The following DLGAP2 variants were observed in gnomAD, a reference collection of about 807,000 sequenced individuals.
The protein encoded by DLGAP2 is disks large-associated protein 2.
In DLGAP2, 26 loss-of-function variants were observed where a neutral mutation model predicts 100.3. The ratio of observed to expected loss-of-function variants is 0.26; its 90% CI spans 0.19 to 0.36. The LOEUF is 0.36. Ranked by LOEUF, DLGAP2 falls within the 10% of genes least tolerant of loss-of-function variation. DLGAP2 has a pLI of 1.00. For missense variants in DLGAP2, 1,858 were observed against 1,453.2 expected (o/e 1.28, Z -4.53); for synonymous variants, 886 against 630.1 (o/e 1.41, Z -6.08).
chr8:1,499,319 C>T (rs1469049690), intron 3 of DLGAP2, among the ~76,000 whole-genome samples: 1 of 152,198 alleles, frequency 6.6e-6, no homozygotes. Flanking sequence ...CCTGTGAGAG[C>T]CCCTGCCTTG....
intron 2 of DLGAP2, among the ~76,000 whole-genome samples, chr8:939,876 TG>T (rs1365263075): frequency 6.6e-6 from 1 of 151,556 alleles, no homozygotes; most frequent in Non-Finnish European, 1.5e-5. Context: ...ACACAGGGGC[TG>T]GGGTGCCCAC....
At chr8:907,209 A>G (rs746873302) in intron 1 of DLGAP2, among the ~76,000 whole-genome samples, 27 of 152,228 alleles carry the variant, frequency 1.8e-4, no homozygotes, top group Non-Finnish European at 3.7e-4. Flanking sequence ...CTGCAAGTTC[A>G]TCGTGTGGAG....
intron 1 of DLGAP2, among the ~76,000 whole-genome samples, chr8:833,727 C>T (rs1463783620): frequency 6.6e-6 from 1 of 152,162 alleles, no homozygotes; most frequent in Non-Finnish European, 1.5e-5. Flanking sequence ...GGTCATTATT[C>T]TGCTGCCAGA....
At chr8:946,062 G>T (rs1391813418) in intron 2 of DLGAP2, among the ~76,000 whole-genome samples, 1 of 124,230 alleles carries the variant, frequency 8.0e-6, no homozygotes, top group African/African-American at 2.7e-5. Flanking sequence ...GCCTTCCAGG[G>T]CTGCAGCCTC....
chr8:902,106 A>G (rs1243657815), intron 1 of DLGAP2, among the ~76,000 whole-genome samples: 2 of 152,204 alleles, frequency 1.3e-5, no homozygotes, highest in African/African-American at 4.8e-5. Flanking sequence ...GTTGCGCCAG[A>G]AGCAAGACAC....
In DLGAP2 at chr8:1,188,537, C is replaced by T. The variant is rs189258928; in HGVS notation, c.74-70314C>T. On this transcript the variant is annotated intron_variant, in intron 2 of 14. Transcript: ENST00000637795. ...CGGGACCTCTGTGACGTTTCCCTCA[C>T]GGAATCTCAGACGCCCGGGATCTCC... Among the ~76,000 whole-genome samples, 18 of 150,600 alleles carry T rather than the reference C, an allele frequency of 1.2e-4. No individual in the cohort carries two copies. In the East Asian group the frequency reaches 1.2e-3, roughly 10 times the overall value.
intron 7 of DLGAP2, among the ~76,000 whole-genome samples, chr8:1,628,321 G>T (rs4876111): frequency 1.1e-3 from 122 of 109,066 alleles, no homozygotes; most frequent in African/African-American, 4.5e-3. Context: ...CTTGAGCCGA[G>T]CTCACATTCT....
intron 5 of DLGAP2, among the ~76,000 whole-genome samples, chr8:1,558,947 C>T (rs143675790): frequency 5.3e-4 from 80 of 152,234 alleles, no homozygotes; most frequent in African/African-American, 1.7e-3. Flanking sequence ...CAGCAATGGA[C>T]GATAATGTTT....
chr8:1,208,113 G>T (rs1307807317), intron 2 of DLGAP2, among the ~76,000 whole-genome samples: 1 of 152,068 alleles, frequency 6.6e-6, no homozygotes, highest in African/African-American at 2.4e-5. Flanking sequence ...TTGCTTTTGG[G>T]TTCTTGCTCA....
chr8:865,562 C>T (rs144936074), intron 1 of DLGAP2, among the ~76,000 whole-genome samples: 1 of 152,188 alleles, frequency 6.6e-6, no homozygotes, highest in East Asian at 1.9e-4. Context: ...CTTCATCTGC[C>T]TTCTCATCCT....
chr8:1,287,766 T>G (rs1799973399), intron 3 of DLGAP2, among the ~76,000 whole-genome samples: 1 of 46,570 alleles, frequency 2.1e-5, no homozygotes, highest in Non-Finnish European at 4.0e-5. Flanking sequence ...GTTCAGCGTG[T>G]GTGTGTGTGT....
intron 3 of DLGAP2, among the ~76,000 whole-genome samples, chr8:1,452,455 G>C (rs763039486): frequency 6.6e-6 from 1 of 152,242 alleles, no homozygotes; most frequent in Non-Finnish European, 1.5e-5. Flanking sequence ...GATGCATTCA[G>C]CACCAGTGGA....
chr8:1,080,374 C>A (rs1412783314), intron 2 of DLGAP2, among the ~76,000 whole-genome samples: 2 of 152,210 alleles, frequency 1.3e-5, no homozygotes, highest in Non-Finnish European at 2.9e-5. Flanking sequence ...TCTTTAGTGC[C>A]CTCACAGAGG....
At chr8:739,611 T>C (rs556991465) in intron 1 of DLGAP2, 4 of 152,326 alleles carry the variant, frequency 2.6e-5, no homozygotes, top group African/African-American at 9.6e-5. Context: ...AAATGGTAAT[T>C]CTTGGCAGGT....
intron 3 of DLGAP2, among the ~76,000 whole-genome samples, chr8:1,416,534 C>G (rs1796889019): frequency 6.6e-6 from 1 of 152,192 alleles, no homozygotes; most frequent in Non-Finnish European, 1.5e-5. Flanking sequence ...GCTGAATGAA[C>G]CACCCGAGGC....
intron 3 of DLGAP2, among the ~76,000 whole-genome samples, chr8:1,440,673 C>A (rs865865324): frequency 6.6e-6 from 1 of 152,194 alleles, no homozygotes. Flanking sequence ...CGTGGATTGT[C>A]GGGTGAGCCG....
At chr8:1,152,843 T>C (rs746752053) in intron 2 of DLGAP2, among the ~76,000 whole-genome samples, 1 of 152,184 alleles carries the variant, frequency 6.6e-6, no homozygotes, top group Non-Finnish European at 1.5e-5. Context: ...TGCTGCCGTG[T>C]TCTTCCACAA....
chr8:1,559,332 G>A (rs1243237062), intron 5 of DLGAP2, among the ~76,000 whole-genome samples: 1 of 152,174 alleles, frequency 6.6e-6, no homozygotes, highest in Admixed American at 6.5e-5. Context: ...GGCCACCCTG[G>A]GCTGAGGGCT....
intron 2 of DLGAP2, among the ~76,000 whole-genome samples, chr8:1,212,804 A>T (rs902284845): frequency 8.5e-6 from 1 of 116,992 alleles, no homozygotes; most frequent in African/African-American, 3.4e-5. Flanking sequence ...AATTGGATTA[A>T]TGTTCTTAAA....
Sources: gnomAD v4.1 joint callset for allele counts (sites outside exome capture counted in the v4.1 genomes callset) on GRCh38, gnomAD v4.1.1 for gene constraint, MANE v1.5 for transcripts, NCBI Gene and HGNC (gene_info 2026-07-23, HGNC 2026-07-21) for gene names.